Variants in SLAIN2 observed in about 807,000 individuals in gnomAD.
SLAIN2 encodes SLAIN family member 2, also known as SLAIN motif-containing protein 2.
A neutral mutation model predicts 56.6 loss-of-function variants in SLAIN2; 31 were observed. The observed-to-expected ratio is 0.55, with a 90% CI of 0.41 to 0.74. The LOEUF (loss-of-function observed/expected upper bound fraction) is 0.74. Ranked by LOEUF, SLAIN2 falls within the 30% of genes least tolerant of loss-of-function variation. SLAIN2 has a pLI of 0.00. For synonymous variants in SLAIN2, 317 were observed against 284.9 expected (o/e 1.11, Z -1.13); for missense variants, 777 against 754.2 (o/e 1.03, Z -0.35).
At chr4:48,385,926 T>C (rs1315961330) in intron 6 of SLAIN2, among the ~76,000 whole-genome samples, 2 of 151,658 alleles carry the variant, frequency 1.3e-5, no homozygotes, top group Non-Finnish European at 2.9e-5. Context: ...ACACAAGACC[T>C]CGTCTCTAAA....
At position 48,341,948 on chromosome 4, in the gene SLAIN2, GC is replaced by G; in HGVS notation, c.211del (p.Leu71SerfsTer28). 1 of 1,467,042 alleles carries G rather than the reference GC, an allele frequency of 6.8e-7. No individual in the cohort carries two copies. The highest frequency in any genetic ancestry group is 9.0e-7 in the Non-Finnish European group (1 of 1,113,938). 90.9% of individuals were successfully genotyped at this position (1,467,042 alleles called of 1,614,324 possible). ...GCGTCTCCTCGGGGCTTCCCCTTGGGCCTCAGCGCCAAGTCGGGCGGCGGGC... is the reference window on the plus strand; with the variant it reads ...GCGTCTCCTCGGGGCTTCCCCTTGGGCTCAGCGCCAAGTCGGGCGGCGGGC... Reference protein sequence around the residue: ...GAASPRGFPLGLSAKSGGGPG... With the variant: ...GAASPRGFPLXLSAKSGGGPG... On this transcript the variant is annotated frameshift_variant, in exon 1 of 8. Transcript: ENST00000264313. LOFTEE classifies it high-confidence loss of function.
chr4:48,391,193 G>A (rs2109769547), intron 6 of SLAIN2, among the ~76,000 whole-genome samples: 1 of 152,132 alleles, frequency 6.6e-6, no homozygotes, highest in African/African-American at 2.4e-5. Context: ...ATAATATATT[G>A]TACCACAGGG....
Position 48,424,232 on chromosome 4 carries a change from CCA to C in SLAIN2, c.*2158_*2159del, listed in dbSNP as rs1283773710. 1 of 151,940 alleles carries C rather than the reference CCA, an allele frequency of 6.6e-6. No homozygotes were observed. The allele number at this position is 151,940 out of a possible 1,614,324, so 9.4% of individuals were successfully genotyped here. On this transcript the variant is annotated 3_prime_UTR_variant, in exon 8 of 8. Coordinates refer to ENST00000264313, the MANE Select transcript of SLAIN2 (RefSeq NM_020846.2). ...TATTATTTTACCTGCTGTTGTACTA[CCA>C]CAGACTGTTGACTTTTAGTTTCTTA...
intron 2 of SLAIN2, among the ~76,000 whole-genome samples, chr4:48,371,088 T>C (rs1303745724): frequency 6.6e-6 from 1 of 150,808 alleles, no homozygotes; most frequent in African/African-American, 2.4e-5. Flanking sequence ...CCTTTTGTTT[T>C]TGTTTTTTGT....
chr4:48,364,026 C>T (rs1462022945), intron 1 of SLAIN2, among the ~76,000 whole-genome samples: 2 of 105,220 alleles, frequency 1.9e-5, no homozygotes, highest in Admixed American at 8.4e-5. Context: ...GGAGACGCTC[C>T]TCACTTCCCA....
chr4:48,364,834 C>T (rs1318029690), intron 1 of SLAIN2, among the ~76,000 whole-genome samples: 6 of 129,316 alleles, frequency 4.6e-5, no homozygotes, highest in Non-Finnish European at 9.7e-5. Flanking sequence ...AGCTTCGGCT[C>T]CGCATGAGAG....
At chr4:48,420,567 T>G in intron 7 of SLAIN2, 124 bp downstream of exon 7, 2 of 1,060,476 alleles carry the variant, frequency 1.9e-6, no homozygotes, top group South Asian at 1.6e-5. Flanking sequence ...CACCAGAGTT[T>G]TAGTACCATT....
intron 6 of SLAIN2, among the ~76,000 whole-genome samples, chr4:48,403,727 T>C (rs1170541473): frequency 1.3e-5 from 2 of 152,224 alleles, no homozygotes; most frequent in Admixed American, 1.3e-4. Flanking sequence ...GCCTGGTTCC[T>C]TGGATTCAGC....
intron 6 of SLAIN2, among the ~76,000 whole-genome samples, chr4:48,384,312 C>T (rs76142595): frequency 0.03 from 4,523 of 151,990 alleles, 74 homozygotes; most frequent in Admixed American, 0.046. Context: ...AAAAGTATAC[C>T]AGGAGAACTC....
At chr4:48,421,950 G>T in intron 7 of SLAIN2, 61 bp from the exon 8 acceptor site, 1 of 1,281,604 alleles carries the variant, frequency 7.8e-7, no homozygotes, top group Non-Finnish European at 1.1e-6. Flanking sequence ...GTGTGAGATA[G>T]TATGGTACTA....
intron 2 of SLAIN2, among the ~76,000 whole-genome samples, chr4:48,374,405 T>C (rs1715750312): frequency 6.6e-6 from 1 of 151,760 alleles, no homozygotes; most frequent in African/African-American, 2.4e-5. Flanking sequence ...CCCAGCTAAT[T>C]TTTTTTGTAT....
intron 6 of SLAIN2, among the ~76,000 whole-genome samples, chr4:48,417,873 G>T (rs1342522682): frequency 6.6e-6 from 1 of 152,114 alleles, no homozygotes; most frequent in Non-Finnish European, 1.5e-5. Flanking sequence ...AGCTATCTAT[G>T]GTGTGGTATT....
chr4:48,422,789 TTGTG>T lies in SLAIN2; in HGVS notation c.*718_*721del, dbSNP rs1717194666. The T allele has an allele frequency of 6.6e-6, 1 of 152,234 alleles. No individual in the cohort carries two copies. The highest frequency in any genetic ancestry group is 2.1e-4 in the South Asian group (1 of 4,834). 9.4% of individuals were successfully genotyped at this position (152,234 alleles called of 1,614,324 possible). A position where few individuals can be genotyped will look rare whatever the true frequency, so the allele number is the denominator to read the frequency against. ...ATCATGTTGCATTGACACATCAAAC[TTGTG>T]TGTGTTTGTTTTGATTGCCAAAAGG... On this transcript the variant is annotated 3_prime_UTR_variant, in exon 8 of 8. Transcript: ENST00000264313.
chr4:48,395,315 G>A (rs1716347620), intron 6 of SLAIN2, among the ~76,000 whole-genome samples: 2 of 151,822 alleles, frequency 1.3e-5, no homozygotes, highest in Non-Finnish European at 2.9e-5. Flanking sequence ...AAACAAAGAG[G>A]AAAAGTATTT....
At chr4:48,415,409 TG>T (rs1180696001) in intron 6 of SLAIN2, among the ~76,000 whole-genome samples, 1 of 59,190 alleles carries the variant, frequency 1.7e-5, no homozygotes, top group African/African-American at 5.6e-5. Context: ...TGGGGTTGTT[TG>T]TTTTTTTCTT....
chr4:48,390,664 G>A (rs1225938490), intron 6 of SLAIN2, among the ~76,000 whole-genome samples: 1 of 151,860 alleles, frequency 6.6e-6, no homozygotes, highest in Non-Finnish European at 1.5e-5. Flanking sequence ...ATAGACAATG[G>A]GTTAATAATT....
chr4:48,420,488 G>A (rs1290762702), intron 7 of SLAIN2, 45 bp downstream of exon 7: 1 of 1,596,510 alleles, frequency 6.3e-7, no homozygotes, highest in South Asian at 1.1e-5. Flanking sequence ...GTGCCTGAAA[G>A]TGGATAGACT....
At chr4:48,382,079 T>A (rs1715985886) in intron 4 of SLAIN2, among the ~76,000 whole-genome samples, 1 of 152,204 alleles carries the variant, frequency 6.6e-6, no homozygotes, top group Non-Finnish European at 1.5e-5. Flanking sequence ...AAGTACTGAA[T>A]TCCTATAAGT....
intron 6 of SLAIN2, among the ~76,000 whole-genome samples, chr4:48,402,663 T>C (rs1163371968): frequency 6.6e-6 from 1 of 152,190 alleles, no homozygotes; most frequent in Non-Finnish European, 1.5e-5. Context: ...CGGTATTGTT[T>C]TATCATGATT....
Sources: gnomAD v4.1 joint callset for allele counts (sites outside exome capture counted in the v4.1 genomes callset) on GRCh38, gnomAD v4.1.1 for gene constraint, MANE v1.5 for transcripts, NCBI Gene and HGNC (gene_info 2026-07-23, HGNC 2026-07-21) for gene names.